The following ATP8B1 variants were observed in gnomAD, a reference collection of about 807,000 sequenced individuals.
The protein encoded by ATP8B1 is phospholipid-transporting ATPase IC.
In ATP8B1, 80 loss-of-function variants were observed where a neutral mutation model predicts 149.9. The ratio of observed to expected loss-of-function variants is 0.53; its 90% confidence interval spans 0.45 to 0.64. The LOEUF (loss-of-function observed/expected upper bound fraction) is 0.64. Ranked by LOEUF, ATP8B1 falls within the 30% of genes least tolerant of loss-of-function variation. The pLI is 0.00. For synonymous variants in ATP8B1, 536 were observed against 562.8 expected, an observed-to-expected ratio of 0.95 and a Z score of 0.67; for missense variants, 1,247 against 1,552.6, an observed-to-expected ratio of 0.80 and a Z score of 3.31.
At position 57,674,448 on chromosome 18, in the gene ATP8B1, G is replaced by A. The variant is rs187603191; in HGVS notation, c.1819+386C>T. Reference sequence around the variant, plus strand: ...CGCCCAGGCTGGAATGCAGTGGCGCGATGTCGGCTCACTGCAAGCTCTGCC... The same window carrying A: ...CGCCCAGGCTGGAATGCAGTGGCGCAATGTCGGCTCACTGCAAGCTCTGCC... On this transcript the variant is annotated intron_variant, in intron 16 of 27. Transcript: ENST00000648908. 6.0e-3 allele frequency among the ~76,000 whole-genome samples: 874 copies of A among 145,918 alleles called. 7 individuals are homozygous for A. Among genetic ancestry groups the A allele is most frequent in the African/African-American group, 0.02 (804 of 39,890 alleles).
intron 22 of ATP8B1, chr18:57,659,800 A>T (rs2122629150): frequency 6.6e-6 from 1 of 152,346 alleles, no homozygotes; most frequent in East Asian, 1.9e-4. Context: ...AGTATACATC[A>T]AGGAGGAGGA....
rs1052322561 is a variant in ATP8B1, at chr18:57,748,335, C to T, written c.-25-16503G>A. Among the ~76,000 whole-genome samples, 3 of 152,188 alleles carry T rather than the reference C, an allele frequency of 2.0e-5. No individual in the cohort carries two copies. In the East Asian group the frequency reaches 5.8e-4, roughly 29 times the overall value. On this transcript the variant is annotated intron_variant, in intron 1 of 27. Coordinates refer to ENST00000648908, the MANE Select transcript of ATP8B1 (RefSeq NM_001374385.1). ...ATATAAGGGGTAACCAGAATAAAAT[C>T]CCTTGGAGACATGCTGCCACAAGCC... is the stretch of plus-strand genomic sequence containing the variant.
At chr18:57,656,436 A>G (rs539157367) in intron 22 of ATP8B1, among the ~76,000 whole-genome samples, 1 of 146,472 alleles carries the variant, frequency 6.8e-6, no homozygotes, top group African/African-American at 2.6e-5. Flanking sequence ...CCCAGGCTGC[A>G]GTGCAATGGC....
At chr18:57,779,335 A>AAGAAGG (rs1004196234) in intron 1 of ATP8B1, among the ~76,000 whole-genome samples, 2 of 151,884 alleles carry the variant, frequency 1.3e-5, no homozygotes, top group Admixed American at 1.3e-4. Flanking sequence ...AAGGAAGAAG[A>AAGAAGG]AGAAGGAGAA....
At chr18:57,752,245 A>AT (rs2080029833) in intron 1 of ATP8B1, among the ~76,000 whole-genome samples, 1 of 149,976 alleles carries the variant, frequency 6.7e-6, no homozygotes, top group African/African-American at 2.4e-5. Context: ...AATAATAATA[A>AT]ATGATAATCT....
At chr18:57,688,745 G>A in intron 12 of ATP8B1, 2 of 520,824 alleles carry the variant, frequency 3.8e-6, no homozygotes, top group Non-Finnish European at 6.9e-6. Flanking sequence ...TGGGATTAGT[G>A]CCCTTATTAA....
intron 13 of ATP8B1, among the ~76,000 whole-genome samples, chr18:57,686,583 G>A (rs1912261011): frequency 6.6e-6 from 1 of 152,084 alleles, no homozygotes; most frequent in South Asian, 2.1e-4. Context: ...ACCACGCCCA[G>A]GTAATTTTTG....
chr18:57,695,335 AAAAAT>A lies in ATP8B1; in HGVS notation c.782-11_782-7del, dbSNP rs745478727. The A allele has an allele frequency of 1.9e-6, 3 of 1,596,732 alleles. No homozygotes were observed. The South Asian group carries it at 3.3e-5, about 18-fold the overall frequency. On this transcript the variant is annotated splice_region_variant and splice_polypyrimidine_tract_variant and intron_variant, in intron 9 of 27. Transcript: ENST00000648908. ...TTCTTCACATTCAATAAAACCTTTTAAAAATATAAGATTCACATAATTAATCACAT... is the reference window on the plus strand; with the variant it reads ...TTCTTCACATTCAATAAAACCTTTTAATAAGATTCACATAATTAATCACAT...
chr18:57,787,481 CTGCGGGAGGAGCTCCATCTAGAACAA>C (rs2080421017), intron 1 of ATP8B1, among the ~76,000 whole-genome samples: 1 of 148,670 alleles, frequency 6.7e-6, no homozygotes, highest in Admixed American at 6.7e-5. Context: ...ATCTAGAACA[CTGCGGGAGGAGCTCCATCTAGAACAA>C]TGCGGGTGGA....
chr18:57,741,051 C>G (rs917318948), intron 1 of ATP8B1: 1 of 152,474 alleles, frequency 6.6e-6, no homozygotes, highest in Non-Finnish European at 1.5e-5. Context: ...ATTCTCCTGC[C>G]TCAGCCTCCC....
chr18:57,711,020 A>G (rs17686360), intron 2 of ATP8B1, among the ~76,000 whole-genome samples: 3,882 of 152,318 alleles, frequency 0.025, 69 homozygotes, highest in Non-Finnish European at 0.038. Context: ...TTTTTATCCT[A>G]TAATAGCAAA....
intron 1 of ATP8B1, among the ~76,000 whole-genome samples, chr18:57,740,030 A>G (rs113710152): frequency 5.3e-5 from 8 of 152,298 alleles, no homozygotes; most frequent in African/African-American, 1.7e-4. Context: ...ATAAAGTTTT[A>G]TTAGAATGCA....
At chr18:57,713,192 TTTCTTTCCTTCCTTCCTTCCTTCC>T (rs1913789162) in intron 2 of ATP8B1, among the ~76,000 whole-genome samples, 2 of 94,050 alleles carry the variant, frequency 2.1e-5, no homozygotes, top group African/African-American at 4.2e-5. Context: ...TCTTTCTTTC[TTTCTTTCCTTCCTTCCTTCCTTCC>T]TTCCTTCCTT....
chr18:57,753,810 C>T (rs2123278956), intron 1 of ATP8B1, among the ~76,000 whole-genome samples: 1 of 151,746 alleles, frequency 6.6e-6, no homozygotes, highest in East Asian at 1.9e-4. Flanking sequence ...CTTCTGTAGT[C>T]CCAGCTACTT....
intron 1 of ATP8B1, among the ~76,000 whole-genome samples, chr18:57,790,323 A>G (rs999910659): frequency 2.0e-5 from 3 of 150,820 alleles, no homozygotes; most frequent in African/African-American, 7.3e-5. Flanking sequence ...TCCCCCACCA[A>G]CAACCAACCC....
At chr18:57,754,392 C>T (rs1159374342) in intron 1 of ATP8B1, among the ~76,000 whole-genome samples, 1 of 151,982 alleles carries the variant, frequency 6.6e-6, no homozygotes, top group Non-Finnish European at 1.5e-5. Context: ...ATGCCAAGAT[C>T]ACACCACTGC....
chr18:57,764,989 G>A (rs117247246), intron 1 of ATP8B1, among the ~76,000 whole-genome samples: 151 of 152,258 alleles, frequency 9.9e-4, no homozygotes, highest in Non-Finnish European at 1.8e-3. Flanking sequence ...TTATACAGTA[G>A]ACCCATGTTC....
At chr18:57,741,211 C>T (rs1403531297) in intron 1 of ATP8B1, among the ~76,000 whole-genome samples, 2 of 152,182 alleles carry the variant, frequency 1.3e-5, no homozygotes, top group Non-Finnish European at 2.9e-5. Flanking sequence ...GCTGGGATTA[C>T]AGGCATGAGC....
chr18:57,715,837 C>T (rs569437162), intron 2 of ATP8B1, among the ~76,000 whole-genome samples: 13 of 152,256 alleles, frequency 8.5e-5, no homozygotes, highest in Admixed American at 8.5e-4. Flanking sequence ...AAATGCTAAA[C>T]AGAGTACATT....
Sources: gnomAD v4.1 joint callset for allele counts (sites outside exome capture counted in the v4.1 genomes callset) on GRCh38, gnomAD v4.1.1 for gene constraint, MANE v1.5 for transcripts, NCBI Gene and HGNC (gene_info 2026-07-23, HGNC 2026-07-21) for gene names.